TLL2: variants seen among roughly 807,000 people sequenced by gnomAD.
The protein encoded by TLL2 is tolloid like 2, also known as tolloid-like protein 2.
In TLL2, 106 loss-of-function variants were observed where a neutral mutation model predicts 123.0. The observed-to-expected ratio is 0.86, with a 90% CI of 0.74 to 1.01. TLL2 has a LOEUF of 1.01. TLL2 is among the 50% of genes least tolerant of loss of function. TLL2 has a pLI of 0.00. For synonymous variants in TLL2, 494 were observed against 516.8 expected (o/e 0.96, Z 0.60); for missense variants, 1,332 against 1,336.7 (o/e 1.00, Z 0.06).
intron 10 of TLL2, among the ~76,000 whole-genome samples, chr10:96,403,574 A>G (rs1395007368): frequency 6.6e-6 from 1 of 152,158 alleles, no homozygotes; most frequent in Admixed American, 6.5e-5. Context: ...TCAATAAACC[A>G]AGGGCACAGT....
intron 13 of TLL2, among the ~76,000 whole-genome samples, chr10:96,390,148 C>T (rs1191800961): frequency 6.6e-6 from 1 of 152,236 alleles, no homozygotes; most frequent in Non-Finnish European, 1.5e-5. Context: ...TCTCATGGTC[C>T]AGGTGGAATT....
rs1459977414 is a variant in TLL2 at position 96,386,153 on chromosome 10, C to A, written c.1915G>T (p.Glu639Ter). The stretch of plus-strand genomic sequence containing the variant: ...ACACAGTTTTTGTTTGTGGGATACT[C>A]CTTCGGCCACCCAGGGCTGGTGATG... ...GTITSPGWPK[E>*]YPTNKNCVWQ... Residue 639 changes from glutamate to a stop codon, truncating the protein, a stop_gained, in exon 15 of 21, where the codon GAG becomes TAG. Transcript: ENST00000357947. LOFTEE classifies it high-confidence loss of function. 3.1e-6 allele frequency: 5 copies of A among 1,612,892 alleles called. No individual in the cohort carries two copies. Among genetic ancestry groups the A allele is most frequent in the Non-Finnish European group, 4.2e-6 (5 of 1,179,428 alleles).
intron 1 of TLL2, among the ~76,000 whole-genome samples, chr10:96,500,449 T>C (rs11188799): frequency 0.29 from 43,397 of 152,136 alleles, 6,393 homozygotes; most frequent in East Asian, 0.51. Flanking sequence ...AAGAGATAAC[T>C]CACGATGTAT....
intron 1 of TLL2, among the ~76,000 whole-genome samples, chr10:96,481,540 G>C (rs1483599756): frequency 6.6e-6 from 1 of 152,148 alleles, no homozygotes; most frequent in Non-Finnish European, 1.5e-5. Flanking sequence ...TTGCCTTTGG[G>C]CCAGGTGTCA....
intron 2 of TLL2, among the ~76,000 whole-genome samples, chr10:96,475,824 G>A (rs1458822123): frequency 6.6e-6 from 1 of 152,126 alleles, no homozygotes; most frequent in African/African-American, 2.4e-5. Context: ...GGGACCCAAA[G>A]GGAGATGATT....
chr10:96,406,154 C>T (rs1198293488), intron 9 of TLL2, among the ~76,000 whole-genome samples: 2 of 152,078 alleles, frequency 1.3e-5, no homozygotes, highest in Admixed American at 6.5e-5. Context: ...GGGGCTGGGC[C>T]TCAGCACACA....
chr10:96,507,000 T>G (rs1163385698), intron 1 of TLL2, among the ~76,000 whole-genome samples: 2 of 152,128 alleles, frequency 1.3e-5, no homozygotes, highest in African/African-American at 4.8e-5. Flanking sequence ...TGGCAGCCAT[T>G]GCAGCTGCTT....
intron 2 of TLL2, among the ~76,000 whole-genome samples, chr10:96,448,703 T>C (rs1193530963): frequency 6.6e-6 from 1 of 152,080 alleles, no homozygotes; most frequent in African/African-American, 2.4e-5. Context: ...GGTGGATATC[T>C]GGAGAGAAGC....
chr10:96,492,224 G>GA (rs562491354), intron 1 of TLL2, among the ~76,000 whole-genome samples: 2,667 of 132,862 alleles, frequency 0.02, 65 homozygotes, highest in African/African-American at 0.064. Flanking sequence ...GAAGGGAGAG[G>GA]AAAAAAAAAA....
intron 1 of TLL2, among the ~76,000 whole-genome samples, chr10:96,492,000 C>T (rs1394075614): frequency 6.6e-6 from 1 of 152,158 alleles, no homozygotes; most frequent in Non-Finnish European, 1.5e-5. Context: ...AAAAGATAAC[C>T]ATGATCTGAG....
At chr10:96,422,902 C>A (rs1353044071) in intron 5 of TLL2, among the ~76,000 whole-genome samples, 175 bp from the exon 6 acceptor site, 1 of 152,082 alleles carries the variant, frequency 6.6e-6, no homozygotes, top group Non-Finnish European at 1.5e-5. Flanking sequence ...CCGAGGTGGG[C>A]GGATCACCTG....
At chr10:96,431,737 G>A (rs983757168) in intron 4 of TLL2, among the ~76,000 whole-genome samples, 26 of 152,184 alleles carry the variant, frequency 1.7e-4, no homozygotes, top group Admixed American at 1.4e-3. Context: ...AAAGAGTTCA[G>A]GTCACGGTAA....
At chr10:96,511,053 C>T (rs1203629281) in intron 1 of TLL2, among the ~76,000 whole-genome samples, 1 of 107,360 alleles carries the variant, frequency 9.3e-6, no homozygotes, top group Non-Finnish European at 2.1e-5. Flanking sequence ...CATTCTGAGT[C>T]CACAGTAGGA....
At chr10:96,371,332 A>C (rs1480125891) in intron 19 of TLL2, among the ~76,000 whole-genome samples, 1 of 144,622 alleles carries the variant, frequency 6.9e-6, no homozygotes, top group South Asian at 2.3e-4. Flanking sequence ...AAAAAAAAAA[A>C]AAAGTAAATA....
At chr10:96,513,163 G>C (rs998467573) in intron 1 of TLL2, among the ~76,000 whole-genome samples, 39 of 152,126 alleles carry the variant, frequency 2.6e-4, no homozygotes, top group African/African-American at 8.7e-4. Context: ...CTTCTGCTCC[G>C]GCCCGGAGCG....
chr10:96,376,900 T>C lies in TLL2; in HGVS notation c.2321-81A>G, dbSNP rs1023001652. On this transcript the variant is annotated intron_variant, in intron 17 of 20. Coordinates refer to ENST00000357947, the MANE Select transcript of TLL2 (RefSeq NM_012465.4). ...CAAGAAGGATTCTAGGGGGGTCTCC[T>C]CCCCTCTCTCCTAATTGTCTCAGGG... 3 of 1,385,850 alleles carry C rather than the reference T, an allele frequency of 2.2e-6. No individual in the cohort carries two copies. The African/African-American group carries it at 4.5e-5, about 21-fold the overall frequency. The allele number at this position is 1,385,850 out of a possible 1,614,324, so 85.8% of individuals were successfully genotyped here. A position where few individuals can be genotyped will look rare whatever the true frequency, so the allele number is the denominator to read the frequency against.
intron 3 of TLL2, among the ~76,000 whole-genome samples, chr10:96,440,951 T>G (rs1468503524): frequency 1.3e-5 from 2 of 152,124 alleles, no homozygotes; most frequent in Non-Finnish European, 2.9e-5. Context: ...AATAGAAGGA[T>G]GTAATTATTT....
chr10:96,442,540 C>T (rs748641401), intron 3 of TLL2, among the ~76,000 whole-genome samples: 2 of 152,230 alleles, frequency 1.3e-5, no homozygotes, highest in Non-Finnish European at 2.9e-5. Context: ...TGCTTAAAGA[C>T]ATGCTTGTCT....
intron 2 of TLL2, among the ~76,000 whole-genome samples, chr10:96,467,233 C>T (rs2134097171): frequency 6.6e-6 from 1 of 152,214 alleles, no homozygotes; most frequent in East Asian, 1.9e-4. Flanking sequence ...TGCTTTGTCA[C>T]CCAGGCTGCA....
Sources: gnomAD v4.1 joint callset for allele counts (sites outside exome capture counted in the v4.1 genomes callset) on GRCh38, gnomAD v4.1.1 for gene constraint, MANE v1.5 for transcripts, NCBI Gene and HGNC (gene_info 2026-07-23, HGNC 2026-07-21) for gene names.